MYOZ1: variants seen among roughly 807,000 people sequenced by gnomAD.
The protein encoded by MYOZ1 is myozenin-1.
MYOZ1 carries 20 observed loss-of-function variants against 28.7 expected under a neutral mutation model. That is an observed-to-expected ratio of 0.70 (90% CI 0.49 to 1.01). MYOZ1 has a LOEUF of 1.01. Ranked by LOEUF, MYOZ1 falls within the 50% of genes least tolerant of loss-of-function variation. MYOZ1 has a pLI of 0.00. For missense variants in MYOZ1, 371 were observed against 372.4 expected (o/e 1.00, Z 0.03); for synonymous variants, 144 against 145.8 (o/e 0.99, Z 0.09).
chr10:73,632,136 C>G lies in MYOZ1; in HGVS notation c.694G>C (p.Glu232Gln). Residue 232 changes from glutamate to glutamine, a missense_variant, in exon 6 of 6, where the codon GAG becomes CAG. Glu to Gln is a conservative substitution (Grantham distance 29). Coordinates refer to ENST00000359322, the MANE Select transcript of MYOZ1 (RefSeq NM_021245.4). ...NRTAMPYGGY[E>Q]KASKRMTFQM... ...AAGGTCATGCGTTTGGAGGCCTTCT[C>G]ATATCCACCATAGGGCATTGCCGTC... The G allele has an allele frequency of 1.9e-6, 3 of 1,614,170 alleles. No homozygotes were observed. In the Admixed American group the frequency reaches 5.0e-5, roughly 27 times the overall value.
intron 2 of MYOZ1, among the ~76,000 whole-genome samples, chr10:73,638,706 T>G (rs13376914): frequency 0.23 from 33,332 of 145,832 alleles, 5,589 homozygotes; most frequent in African/African-American, 0.47. Flanking sequence ...TTGCTCTGTC[T>G]CCCAGGCTGA....
intron 3 of MYOZ1, 33 bp from the exon 4 acceptor site, chr10:73,634,766 C>G: frequency 6.2e-7 from 1 of 1,601,660 alleles, no homozygotes; most frequent in Non-Finnish European, 8.5e-7. Context: ...GGAAGGTTAG[C>G]AATGGGTATG....
intron 2 of MYOZ1, among the ~76,000 whole-genome samples, chr10:73,638,828 A>C (rs1020245422): frequency 4.7e-5 from 7 of 150,284 alleles, no homozygotes. Flanking sequence ...CACCATGCCC[A>C]GTTAATTTTT....
At position 73,636,762 on chromosome 10, in the gene MYOZ1, C is replaced by G. The variant is rs148687241; in HGVS notation, c.252+982G>C. Among the ~76,000 whole-genome samples, 574 of 151,890 alleles carry G rather than the reference C, an allele frequency of 3.8e-3. 1 individual carries two copies. The highest frequency in any genetic ancestry group is 0.013 in the African/African-American group (544 of 41,424). On this transcript the variant is annotated intron_variant, in intron 3 of 5. Transcript: ENST00000359322. ...TGAGCTACCACACTTGACCCAAATA[C>G]TTTTTTAGTATAGATATGCCTCCAA...
rs746850369 is a variant in MYOZ1 at position 73,632,007 on chromosome 10, A to G, written c.823T>C (p.Trp275Arg). ...TCTACAGGCTCCCCAGAGCTCAGCCAGGGAATAGGGGTTCGATTGAAAGAA... is the reference window on the plus strand; with the variant it reads ...TCTACAGGCTCCCCAGAGCTCAGCCGGGGAATAGGGGTTCGATTGAAAGAA... The part of the protein sequence containing the change: ...RPSFNRTPIP[W>R]LSSGEPVDYN... Residue 275 changes from tryptophan (W) to arginine (R), a missense_variant, in exon 6 of 6, where the codon TGG becomes CGG. By Grantham distance (101) the Trp-to-Arg change is moderately radical (BLOSUM62 -3). Transcript: ENST00000359322. The G allele has an allele frequency of 6.2e-7, 1 of 1,614,096 alleles. No individual in the cohort carries two copies. Among genetic ancestry groups the G allele is most frequent in the South Asian group, 1.1e-5 (1 of 91,068 alleles).
At position 73,638,638 on chromosome 10, in the gene MYOZ1, TTTTATTTATTTATTTA is replaced by T. The variant is rs71482554; in HGVS notation, c.74-732_74-717del. ...CGTGAGCCGTGGCGCCCAGCCTACATTTTATTTATTTATTTATTTATTTATTTATTTATTTATTTAT... is the reference window on the plus strand; with the variant it reads ...CGTGAGCCGTGGCGCCCAGCCTACATTTTATTTATTTATTTATTTATTTAT... On this transcript the variant is annotated intron_variant, in intron 2 of 5. Coordinates refer to ENST00000359322, the MANE Select transcript of MYOZ1 (RefSeq NM_021245.4). Among the ~76,000 whole-genome samples, 96 of 124,140 alleles carry T rather than the reference TTTTATTTATTTATTTA, an allele frequency of 7.7e-4. No individual in the cohort carries two copies. The Middle Eastern group carries it at 0.02, about 25-fold the overall frequency. 81.4% of individuals were successfully genotyped at this position (124,140 alleles called of 152,430 possible).
chr10:73,632,625 C>A (rs201174834), intron 5 of MYOZ1, among the ~76,000 whole-genome samples: 5,330 of 147,366 alleles, frequency 0.036, 150 homozygotes, highest in South Asian at 0.11. Flanking sequence ...ACCCCCCCCC[C>A]AAAAAAAAAT....
intron 3 of MYOZ1, among the ~76,000 whole-genome samples, chr10:73,636,473 T>A (rs78057333): frequency 2.7e-5 from 4 of 149,054 alleles, no homozygotes; most frequent in Admixed American, 6.7e-5. Flanking sequence ...TTTTTTTTTT[T>A]AGATGGGTTC....
chr10:73,638,824 G>C (rs1164172753), intron 2 of MYOZ1, among the ~76,000 whole-genome samples: 1 of 150,890 alleles, frequency 6.6e-6, no homozygotes. Flanking sequence ...CCGGCACCAT[G>C]CCCAGTTAAT....
intron 5 of MYOZ1, 46 bp downstream of exon 5, chr10:73,633,854 G>C: frequency 6.5e-7 from 1 of 1,546,702 alleles, no homozygotes. Context: ...TAAAGACACA[G>C]TGCCTCACAC....
At chr10:73,638,591 C>T (rs990087293) in intron 2 of MYOZ1, among the ~76,000 whole-genome samples, 1 of 151,710 alleles carries the variant, frequency 6.6e-6, no homozygotes, top group Non-Finnish European at 1.5e-5. Context: ...GCCACGGCCT[C>T]CCAAAATGCT....
intron 3 of MYOZ1, among the ~76,000 whole-genome samples, 198 bp from the exon 4 acceptor site, chr10:73,634,931 G>A (rs2081658374): frequency 6.6e-6 from 1 of 152,024 alleles, no homozygotes; most frequent in African/African-American, 2.4e-5. Flanking sequence ...TTGATTTTTT[G>A]TGGTTTTTTT....
In MYOZ1 at chr10:73,631,912, A is replaced by C; in HGVS notation, c.*18T>G. On this transcript the variant is annotated 3_prime_UTR_variant, in exon 6 of 6. Coordinates refer to ENST00000359322, the MANE Select transcript of MYOZ1 (RefSeq NM_021245.4). ...GAGCCAGAGAGGGGAAATGATGCAA[A>C]TCAGAGGAGGAAACACCTCACAGCT... 6.2e-7 allele frequency: 1 copy of C among 1,607,334 alleles called. No individual in the cohort carries two copies. The highest frequency in any genetic ancestry group is 2.2e-5 in the East Asian group (1 of 44,836).
intron 3 of MYOZ1, among the ~76,000 whole-genome samples, chr10:73,636,558 C>G (rs1262521145): frequency 6.6e-6 from 1 of 151,904 alleles, no homozygotes; most frequent in Non-Finnish European, 1.5e-5. Context: ...CAGGCTCAAG[C>G]CATCCTCCCA....
At chr10:73,638,328 T>G (rs1428225012) in intron 2 of MYOZ1, among the ~76,000 whole-genome samples, 3 of 151,040 alleles carry the variant, frequency 2.0e-5, no homozygotes, top group Non-Finnish European at 4.4e-5. Context: ...TTTTTATTTT[T>G]TATTCTTTTT....
chr10:73,634,796 G>A, intron 3 of MYOZ1, 63 bp from the exon 4 acceptor site: 1 of 1,564,470 alleles, frequency 6.4e-7, no homozygotes. Flanking sequence ...CAAAAACAGA[G>A]GTATGTTTAG....
chr10:73,641,153 T>C (rs2081701737), intron 1 of MYOZ1, among the ~76,000 whole-genome samples: 1 of 152,158 alleles, frequency 6.6e-6, no homozygotes, highest in South Asian at 2.1e-4. Flanking sequence ...AAAAAATACA[T>C]CTGCAACTCT....
chr10:73,634,176 A>G, intron 4 of MYOZ1, 111 bp from the exon 5 acceptor site: 2 of 1,234,644 alleles, frequency 1.6e-6, no homozygotes, highest in Non-Finnish European at 2.3e-6. Flanking sequence ...GACTAAAGAT[A>G]TAATATCCTG....
chr10:73,636,287 T>G (rs546307816), intron 3 of MYOZ1, among the ~76,000 whole-genome samples: 1 of 152,282 alleles, frequency 6.6e-6, no homozygotes, highest in South Asian at 2.1e-4. Context: ...AAGGACCGTT[T>G]CAGTCTCCAC....
Sources: gnomAD v4.1 joint callset for allele counts (sites outside exome capture counted in the v4.1 genomes callset) on GRCh38, gnomAD v4.1.1 for gene constraint, MANE v1.5 for transcripts, NCBI Gene and HGNC (gene_info 2026-07-23, HGNC 2026-07-21) for gene names.